SHANK1: variants seen among roughly 807,000 people sequenced by gnomAD.
SHANK1 encodes the protein SH3 and multiple ankyrin repeat domains protein 1.
SHANK1 carries 35 observed loss-of-function variants against 165.6 expected under a neutral mutation model. That is an observed-to-expected ratio of 0.21 (90% CI 0.16 to 0.28). The LOEUF is 0.28. Among genes scored for constraint, SHANK1 ranks in the 10% least tolerant of loss-of-function variants. SHANK1 has a pLI of 1.00. For synonymous variants in SHANK1, 1,428 were observed against 1,384.8 expected (o/e 1.03, Z -0.69); for missense variants, 2,681 against 3,036.4 (o/e 0.88, Z 2.75).
At position 50,661,194 on chromosome 19, in the gene SHANK1, C is replaced by A. The variant is rs1251711569; in HGVS notation, c.*771G>T. On this transcript the variant is annotated 3_prime_UTR_variant, in exon 24 of 24. Coordinates refer to ENST00000293441, the MANE Select transcript of SHANK1 (RefSeq NM_016148.5). ...CCCAAGTGTGTCTGCAACAAGGGTC[C>A]AGAGCGAGCGGGGAGGAGGAGATGT... is the stretch of plus-strand genomic sequence containing the variant. Among the ~76,000 whole-genome samples the A allele has an allele frequency of 1.3e-5, 2 of 151,880 alleles. No individual in the cohort carries two copies.
rs575844660 is a variant in SHANK1, at chr19:50,674,786, G to A, written c.2578-2672C>T. ...AAATAAAAATTACAAAAATTGCTGG[G>A]CACGGTGGCTCATGCCTGTAATCCC... is the stretch of plus-strand genomic sequence containing the variant. On this transcript the variant is annotated intron_variant, in intron 21 of 23. Transcript: ENST00000293441. 8.5e-5 allele frequency among the ~76,000 whole-genome samples: 13 copies of A among 152,210 alleles called. No individual in the cohort carries two copies. In the South Asian group the frequency reaches 2.5e-3, roughly 29 times the overall value.
chr19:50,660,722 TG>T lies in SHANK1; in HGVS notation c.*1242del, dbSNP rs796919361. Among the ~76,000 whole-genome samples the T allele has an allele frequency of 0.06, 3,282 of 54,440 alleles. 299 individuals are homozygous for T. The highest frequency in any genetic ancestry group is 0.14 in the African/African-American group (1,640 of 11,518). 35.7% of individuals were successfully genotyped at this position (54,440 alleles called of 152,430 possible). On this transcript the variant is annotated 3_prime_UTR_variant, in exon 24 of 24. Transcript: ENST00000293441. ...GGCTTCCGGAGAGCACTGAAAATGC[TG>T]GGGGGGGGGGCGCGTGTGCAAAAGC...
At chr19:50,708,778 C>G (rs1905974145) in intron 8 of SHANK1, among the ~76,000 whole-genome samples, 1 of 152,228 alleles carries the variant, frequency 6.6e-6, no homozygotes, top group African/African-American at 2.4e-5. Context: ...CATTCATTCA[C>G]TCATTTTCAT....
chr19:50,692,472 T>TATATATATATATAC (rs1037995388), intron 15 of SHANK1, among the ~76,000 whole-genome samples: 2 of 145,408 alleles, frequency 1.4e-5, no homozygotes, highest in African/African-American at 5.2e-5. Flanking sequence ...TATATATATA[T>TATATATATATATAC]ACACACACAC....
In SHANK1 at chr19:50,666,862, G is replaced by A; in HGVS notation, c.5098C>T (p.Leu1700=). The A allele has an allele frequency of 1.9e-6, 3 of 1,568,866 alleles. No individual in the cohort carries two copies. The highest frequency in any genetic ancestry group is 2.6e-6 in the Non-Finnish European group (3 of 1,158,390). Residue 1700 remains leucine, a synonymous_variant, in exon 23 of 24, where the codon CTA becomes TTA. Transcript: ENST00000293441. ...TISSASTLSS[L]SAEGGGSAGG... Reference sequence around the variant, plus strand: ...GCGCTGCCACCACCTTCGGCAGATAGGCTGCTCAGCGTGGAGGCGCTGCTG... The same window carrying A: ...GCGCTGCCACCACCTTCGGCAGATAAGCTGCTCAGCGTGGAGGCGCTGCTG...
At position 50,702,506 on chromosome 19, in the gene SHANK1, C is replaced by T. The variant is rs941454412; in HGVS notation, c.1708G>A (p.Glu570Lys). The T allele has an allele frequency of 8.1e-6, 13 of 1,613,100 alleles. No individual in the cohort carries two copies. The highest frequency in any genetic ancestry group is 2.2e-5 in the East Asian group (1 of 44,872). ...MAVKSYQAQA[E>K]GEISLSKGEK... ...CCCTTGCTCAGGGAGATCTCCCCCT[C>T]GGCTTGGGCCTGGTAGGACTTCACA... The change falls in exon 12 of 24, where the codon GAG becomes AAG. Residue 570 changes from glutamate to lysine, a missense_variant. By Grantham distance (56) the Glu-to-Lys change is moderately conservative (BLOSUM62 1). Transcript: ENST00000293441. This position sits in a 1 kb window ranked among gnomAD's most constrained non-coding sequence, Gnocchi z 5.3.
Position 50,697,048 on chromosome 19 carries a change from C to G in SHANK1, c.1964+48G>C, listed in dbSNP as rs201715966. The G allele has an allele frequency of 2.6e-6, 4 of 1,529,968 alleles. No homozygotes were observed. In the Admixed American group the frequency reaches 5.0e-5, roughly 19 times the overall value. 94.8% of individuals were successfully genotyped at this position (1,529,968 alleles called of 1,614,324 possible). ...ACGTTCACACGCCCCCCAGGCACCC[C>G]GTCCTTCCCCTCCTGACCCCATCCC... On this transcript the variant is annotated intron_variant, in intron 15 of 23. Coordinates refer to ENST00000293441, the MANE Select transcript of SHANK1 (RefSeq NM_016148.5). This position sits in a 1 kb window ranked among gnomAD's most constrained non-coding sequence, Gnocchi z 4.7.
At chr19:50,708,744 G>GA (rs763380945) in intron 8 of SHANK1, among the ~76,000 whole-genome samples, 11 of 152,200 alleles carry the variant, frequency 7.2e-5, no homozygotes, top group Non-Finnish European at 1.3e-4. Context: ...AGTCTTGGTG[G>GA]AAATCCAAGA....
At chr19:50,665,942 C>G (rs138259736) in intron 23 of SHANK1, among the ~76,000 whole-genome samples, 1 of 146,584 alleles carries the variant, frequency 6.8e-6, no homozygotes, top group Non-Finnish European at 1.5e-5. Context: ...ACCCGGGAGG[C>G]AGAGGTTGTG....
chr19:50,665,979 C>T (rs1985487327), intron 23 of SHANK1, among the ~76,000 whole-genome samples: 1 of 150,868 alleles, frequency 6.6e-6, no homozygotes, highest in East Asian at 1.9e-4. Context: ...CCATTGCACT[C>T]CAGCCTGGGC....
rs1237612500 is a variant in SHANK1 at position 50,696,991 on chromosome 19, C to G, written c.1964+105G>C. ...ACACCTACAGAGACACACGTTCACA[C>G]ACCAAGAAACCTCAGCTCTGGTCGT... is the stretch of plus-strand genomic sequence containing the variant. On this transcript the variant is annotated intron_variant, in intron 15 of 23. Transcript: ENST00000293441. The G allele has an allele frequency of 4.2e-6, 4 of 942,744 alleles. No homozygotes were observed. The African/African-American group carries it at 6.4e-5, about 15-fold the overall frequency. The allele number at this position is 942,744 out of a possible 1,614,324, so 58.4% of individuals were successfully genotyped here.
At chr19:50,663,768 A>G (rs908934880) in intron 23 of SHANK1, among the ~76,000 whole-genome samples, 2 of 152,114 alleles carry the variant, frequency 1.3e-5, no homozygotes, top group African/African-American at 4.8e-5. Context: ...AAAAGAAAAA[A>G]AAAATCCTCT....
intron 4 of SHANK1, 140 bp downstream of exon 4, chr19:50,715,519 A>G (rs1440417876): frequency 1.5e-5 from 11 of 732,980 alleles, no homozygotes; most frequent in Non-Finnish European, 2.7e-5. Context: ...TCCCAAGTTA[A>G]GCGGGGGCAG....
intron 12 of SHANK1, among the ~76,000 whole-genome samples, chr19:50,700,006 G>A (rs1226453421): frequency 2.6e-5 from 1 of 38,568 alleles, no homozygotes; most frequent in African/African-American, 1.3e-4. Context: ...GCATTGGAGG[G>A]TTGGAAGGCT....
intron 15 of SHANK1, among the ~76,000 whole-genome samples, chr19:50,692,887 C>A (rs977339593): frequency 6.8e-6 from 1 of 146,000 alleles, no homozygotes; most frequent in African/African-American, 2.6e-5. Flanking sequence ...CCCTGACACA[C>A]CCTACCCCCC....
rs1482663543 is a variant in SHANK1, at chr19:50,716,238, C to G, written c.459+37G>C. 4.4e-6 allele frequency: 7 copies of G among 1,595,910 alleles called. No homozygotes were observed. The highest frequency in any genetic ancestry group is 6.0e-6 in the Non-Finnish European group (7 of 1,164,404). ...GGGGGCAGATGTGTTTTAGGGCATG[C>G]CTTCTCTTATCAGTGAAGGAGTTGG... On this transcript the variant is annotated intron_variant, in intron 3 of 23. Coordinates refer to ENST00000293441, the MANE Select transcript of SHANK1 (RefSeq NM_016148.5). The surrounding 1 kb of genome is among the most constrained non-coding windows in gnomAD (Gnocchi z 8.4).
Position 50,666,632 on chromosome 19 carries a change from G to C in SHANK1, c.5328C>G (p.Leu1776=), listed in dbSNP as rs1215284018. 6 of 1,597,398 alleles carry C rather than the reference G, an allele frequency of 3.8e-6. No homozygotes were observed. In the African/African-American group the frequency reaches 6.7e-5, roughly 18 times the overall value. The change falls in exon 23 of 24, where the codon CTC becomes CTG. Residue 1776 remains leucine, a synonymous_variant. Coordinates refer to ENST00000293441, the MANE Select transcript of SHANK1 (RefSeq NM_016148.5). ...GGLRPGPSGG[L]RDPVTPTSPT... ...GGCTGGTGGGGGTAACAGGGTCTCG[G>C]AGTCCCCCGCTGGGGCCAGGCCGCA... is the stretch of plus-strand genomic sequence containing the variant.
rs1017305522 is a variant in SHANK1, at chr19:50,718,128, TG to T, written c.-43-1167del. ...TGACTTTGGGGGAGTGGGGATGGGC[TG>T]GGGGGTTGGGAAAGGGAAGACTAAA... On this transcript the variant is annotated intron_variant, in intron 1 of 23. Coordinates refer to ENST00000293441, the MANE Select transcript of SHANK1 (RefSeq NM_016148.5). This position sits in a 1 kb window ranked among gnomAD's most constrained non-coding sequence, Gnocchi z 5.1. Among the ~76,000 whole-genome samples, 6 of 151,746 alleles carry T rather than the reference TG, an allele frequency of 4.0e-5. No individual in the cohort carries two copies. Among genetic ancestry groups the T allele is most frequent in the Non-Finnish European group, 7.4e-5 (5 of 67,916 alleles).
chr19:50,704,251 CG>C (rs147669309), intron 9 of SHANK1, 65 bp from the exon 10 acceptor site: 1 of 1,532,600 alleles, frequency 6.5e-7, no homozygotes, highest in East Asian at 2.2e-5. Context: ...GGGCAGGGAA[CG>C]TGGCGAGGTC....
Sources: gnomAD v4.1 joint callset for allele counts (sites outside exome capture counted in the v4.1 genomes callset) on GRCh38, gnomAD v4.1.1 for gene constraint, Gnocchi (gnomAD v3.1) non-coding constraint, MANE v1.5 for transcripts, NCBI Gene and HGNC (gene_info 2026-07-23, HGNC 2026-07-21) for gene names.